The following KCNN3 variants were observed in gnomAD, a reference collection of about 807,000 sequenced individuals.
KCNN3 encodes small conductance calcium-activated potassium channel protein 3.
KCNN3 carries 16 observed loss-of-function variants against 62.9 expected under a neutral mutation model. That is an observed-to-expected ratio of 0.25 (90% CI 0.17 to 0.39). The LOEUF (loss-of-function observed/expected upper bound fraction) is 0.39. KCNN3 is among the 10% of genes least tolerant of loss of function. The probability of loss-of-function intolerance (pLI) is 1.00; values close to 1 mark genes in which losing one functional copy is unlikely to be tolerated. For missense variants in KCNN3, 599 were observed against 949.4 expected (o/e 0.63, Z 4.85); for synonymous variants, 370 against 389.2 (o/e 0.95, Z 0.58).
At chr1:154,786,782 C>T (rs72700255) in intron 2 of KCNN3, among the ~76,000 whole-genome samples, 34,163 of 152,086 alleles carry the variant, frequency 0.22, 4,957 homozygotes, top group Middle Eastern at 0.33. Context: ...GAGAACACAC[C>T]TCTGTGTTAA....
intron 7 of KCNN3, among the ~76,000 whole-genome samples, chr1:154,711,505 T>TA (rs200946213): frequency 0.22 from 29,257 of 133,176 alleles, 3,055 homozygotes; most frequent in Middle Eastern, 0.34. Context: ...ATAATAAAAC[T>TA]AAAAAAAAAA....
chr1:154,842,544 C>T (rs1351337777), intron 1 of KCNN3, among the ~76,000 whole-genome samples: 1 of 152,126 alleles, frequency 6.6e-6, no homozygotes, highest in African/African-American at 2.4e-5. Context: ...TACCCCTCAC[C>T]CCAGCCCACT....
At chr1:154,760,569 GA>G (rs1308639659) in intron 3 of KCNN3, among the ~76,000 whole-genome samples, 3 of 152,178 alleles carry the variant, frequency 2.0e-5, no homozygotes, top group Non-Finnish European at 4.4e-5. Flanking sequence ...TGCAGGTGGG[GA>G]CACCGCCCAC....
intron 2 of KCNN3, among the ~76,000 whole-genome samples, chr1:154,776,174 C>G (rs1007159077): frequency 3.9e-5 from 6 of 152,188 alleles, no homozygotes; most frequent in African/African-American, 1.4e-4. Flanking sequence ...GGAGAGCTAG[C>G]CTGAAGTCCC....
intron 3 of KCNN3, among the ~76,000 whole-genome samples, chr1:154,771,311 C>T (rs375315526): frequency 3.9e-5 from 6 of 152,290 alleles, no homozygotes; most frequent in African/African-American, 1.4e-4. Flanking sequence ...TGACTCCCAA[C>T]CACCAGCCTC....
intron 1 of KCNN3, among the ~76,000 whole-genome samples, chr1:154,863,756 T>A (rs946268729): frequency 6.6e-6 from 1 of 152,248 alleles, no homozygotes; most frequent in African/African-American, 2.4e-5. Context: ...GCCTTTCTAC[T>A]TAGGCTGTGC....
chr1:154,836,691 T>C (rs752087815), intron 1 of KCNN3, among the ~76,000 whole-genome samples: 5 of 152,248 alleles, frequency 3.3e-5, no homozygotes, highest in African/African-American at 4.8e-5. Flanking sequence ...CCTCTCGCAC[T>C]ATTCCTGTTT....
At chr1:154,715,547 C>T (rs982824143) in intron 5 of KCNN3, among the ~76,000 whole-genome samples, 1 of 146,426 alleles carries the variant, frequency 6.8e-6, no homozygotes, top group Non-Finnish European at 1.5e-5. Context: ...TTCTTTCTTT[C>T]TCTTTCTTTC....
intron 1 of KCNN3, among the ~76,000 whole-genome samples, chr1:154,857,877 C>T (rs901516126): frequency 1.3e-5 from 2 of 152,132 alleles, no homozygotes; most frequent in Admixed American, 1.3e-4. Flanking sequence ...GAATAAGACC[C>T]GGTGTTGCTT....
intron 3 of KCNN3, among the ~76,000 whole-genome samples, chr1:154,750,800 G>A (rs1034764246): frequency 3.3e-5 from 5 of 152,074 alleles, no homozygotes; most frequent in South Asian, 2.1e-4. Context: ...GGCTGTGCTC[G>A]GGGTCTCTGC....
intron 2 of KCNN3, among the ~76,000 whole-genome samples, chr1:154,789,319 T>G (rs1253497095): frequency 6.6e-6 from 1 of 152,122 alleles, no homozygotes; most frequent in Non-Finnish European, 1.5e-5. Context: ...CCCAGGATAC[T>G]CTCCTCCATC....
At chr1:154,722,005 T>A (rs1700359902) in intron 5 of KCNN3, among the ~76,000 whole-genome samples, 1 of 151,848 alleles carries the variant, frequency 6.6e-6, no homozygotes. Context: ...GGAAAGAAGA[T>A]AAGCATGGGA....
intron 2 of KCNN3, among the ~76,000 whole-genome samples, chr1:154,783,085 C>T (rs553229551): frequency 2.0e-5 from 3 of 151,424 alleles, no homozygotes; most frequent in Non-Finnish European, 2.9e-5. Flanking sequence ...TGGTGGTGGG[C>T]GCCTGTAGTC....
Position 154,766,457 on chromosome 1 carries a change from T to G in KCNN3, c.1448+5518A>C, listed in dbSNP as rs367762894. Among the ~76,000 whole-genome samples, 124 of 135,062 alleles carry G rather than the reference T, an allele frequency of 9.2e-4. 1 individual carries two copies. The highest frequency in any genetic ancestry group is 3.2e-3 in the African/African-American group (118 of 36,610). The allele number at this position is 135,062 out of a possible 152,430, so 88.6% of individuals were successfully genotyped here. A position where few individuals can be genotyped will look rare whatever the true frequency, so the allele number is the denominator to read the frequency against. On this transcript the variant is annotated intron_variant, in intron 3 of 7. Transcript: ENST00000271915. ...ATATATATATATGTAGAAGTTCTGA[T>G]CATTTCTCCCAATAGTCCCATGGAT...
intron 1 of KCNN3, among the ~76,000 whole-genome samples, chr1:154,848,955 T>A (rs1652197566): frequency 6.6e-6 from 1 of 152,192 alleles, no homozygotes; most frequent in African/African-American, 2.4e-5. Flanking sequence ...AGAATGGGCA[T>A]CAGTGAAAGT....
At chr1:154,743,115 C>A (rs1344449913) in intron 3 of KCNN3, among the ~76,000 whole-genome samples, 1 of 151,838 alleles carries the variant, frequency 6.6e-6, no homozygotes, top group Admixed American at 6.6e-5. Context: ...CAGCCCCACC[C>A]TCTCACCTTG....
intron 5 of KCNN3, among the ~76,000 whole-genome samples, chr1:154,716,089 C>T (rs1015689700): frequency 6.6e-6 from 1 of 152,254 alleles, no homozygotes; most frequent in African/African-American, 2.4e-5. Context: ...TCACTGTGCA[C>T]TGCAATCACA....
intron 1 of KCNN3, among the ~76,000 whole-genome samples, chr1:154,822,854 C>A (rs1426317019): frequency 6.6e-6 from 1 of 152,184 alleles, no homozygotes; most frequent in Non-Finnish European, 1.5e-5. Context: ...AGCCCCGTGG[C>A]CTCCACTGCA....
chr1:154,707,938 A>G lies in KCNN3; in HGVS notation c.*38T>C, dbSNP rs950782736. On this transcript the variant is annotated 3_prime_UTR_variant, in exon 8 of 8. Transcript: ENST00000271915. Reference sequence around the variant, plus strand: ...CAGGAGAGAGTTGATTTGCATCTTAAGACCTATGGGTAATGCTTCTGGAGT... The same window carrying G: ...CAGGAGAGAGTTGATTTGCATCTTAGGACCTATGGGTAATGCTTCTGGAGT... The G allele has an allele frequency of 1.3e-6, 2 of 1,598,740 alleles. No individual in the cohort carries two copies. The highest frequency in any genetic ancestry group is 1.7e-6 in the Non-Finnish European group (2 of 1,170,348).
Sources: gnomAD v4.1 joint callset for allele counts (sites outside exome capture counted in the v4.1 genomes callset) on GRCh38, gnomAD v4.1.1 for gene constraint, MANE v1.5 for transcripts, NCBI Gene and HGNC (gene_info 2026-07-23, HGNC 2026-07-21) for gene names.